BAALC: variants seen among roughly 807,000 people sequenced by gnomAD.
BAALC encodes the protein brain and acute leukemia cytoplasmic protein.
A neutral mutation model predicts 15.5 loss-of-function variants in BAALC; 9 were observed. The observed-to-expected ratio is 0.58, with a 90% CI of 0.35 to 1.02. The LOEUF is 1.02. Among genes scored for constraint, BAALC ranks in the 50% least tolerant of loss-of-function variants. The pLI, the probability that BAALC is intolerant of heterozygous loss-of-function variation, is 0.02. For synonymous variants in BAALC, 80 were observed against 74.6 expected, an observed-to-expected ratio of 1.07 and a Z score of -0.37; for missense variants, 201 against 192.4, an observed-to-expected ratio of 1.04 and a Z score of -0.27.
chr8:103,184,856 T>C (rs1012585656), intron 1 of BAALC, among the ~76,000 whole-genome samples: 1 of 152,234 alleles, frequency 6.6e-6, no homozygotes, highest in African/African-American at 2.4e-5. Flanking sequence ...CCATGTGGAC[T>C]AAACCGCAGA....
chr8:103,227,556 A>C (rs1041393935), intron 2 of BAALC, among the ~76,000 whole-genome samples: 1 of 152,228 alleles, frequency 6.6e-6, no homozygotes, highest in Non-Finnish European at 1.5e-5. Flanking sequence ...CTCACTTGAG[A>C]CAAATGCATA....
chr8:103,226,714 G>T (rs1586448834), intron 2 of BAALC, among the ~76,000 whole-genome samples: 1 of 152,038 alleles, frequency 6.6e-6, no homozygotes, highest in Non-Finnish European at 1.5e-5. Flanking sequence ...TTTTGTCATT[G>T]GTTTATCCTT....
intron 2 of BAALC, among the ~76,000 whole-genome samples, chr8:103,216,078 T>G (rs1306927605): frequency 6.6e-6 from 1 of 152,244 alleles, no homozygotes; most frequent in South Asian, 2.1e-4. Context: ...CTTGTGAAAA[T>G]CACCCATATT....
At position 103,214,150 on chromosome 8, in the gene BAALC, T is replaced by C. The variant is rs141224033; in HGVS notation, c.327+1065T>C. ...ATTCATGTTCAGAAAATGGCTGTGT[T>C]TGCATGATCTTCAGGAAGAGTTTTG... is the stretch of plus-strand genomic sequence containing the variant. On this transcript the variant is annotated intron_variant, in intron 2 of 2. Transcript: ENST00000309982. Among the ~76,000 whole-genome samples the C allele has an allele frequency of 4.6e-3, 706 of 152,300 alleles. 5 individuals are homozygous for C. The highest frequency in any genetic ancestry group is 0.017 in the African/African-American group (687 of 41,560).
chr8:103,152,210 T>C (rs1389412120), intron 1 of BAALC, among the ~76,000 whole-genome samples: 3 of 152,200 alleles, frequency 2.0e-5, no homozygotes, highest in African/African-American at 7.2e-5. Flanking sequence ...TCCAGGGGCC[T>C]GCATGACGAG....
At chr8:103,158,280 C>G (rs1466738690) in intron 1 of BAALC, among the ~76,000 whole-genome samples, 1 of 152,124 alleles carries the variant, frequency 6.6e-6, no homozygotes, top group African/African-American at 2.4e-5. Context: ...GGAAAACCTT[C>G]AGGAAAGCTA....
At chr8:103,227,918 G>A (rs1344201158) in intron 2 of BAALC, 71 bp from the exon 3 acceptor site, 17 of 1,056,044 alleles carry the variant, frequency 1.6e-5, no homozygotes, top group Non-Finnish European at 2.3e-5. Context: ...TAAATTGATT[G>A]AGACTTGCCT....
chr8:103,192,792 G>A (rs570548235), intron 1 of BAALC, among the ~76,000 whole-genome samples: 7 of 152,250 alleles, frequency 4.6e-5, no homozygotes, highest in African/African-American at 1.7e-4. Flanking sequence ...ATTGCCATGG[G>A]ACAGCATCCA....
intron 1 of BAALC, chr8:103,191,071 CGCCTGTAGTCTCA>C (rs1371231463): frequency 6.6e-6 from 1 of 152,382 alleles, no homozygotes; most frequent in Non-Finnish European, 1.5e-5. Flanking sequence ...TGGTGGCACA[CGCCTGTAGTCTCA>C]GCTACCTGGG....
rs149702116 is a variant in BAALC, at chr8:103,170,438, A to G, written c.160+29381A>G. On this transcript the variant is annotated intron_variant, in intron 1 of 2. Transcript: ENST00000309982. ...TATCAAGGTAAGATGAGATTATATG[A>G]TATTAAGGTGAACCTTAATCCAATG... Among the ~76,000 whole-genome samples the G allele has an allele frequency of 9.2e-3, 1,402 of 152,310 alleles. 39 individuals carry two copies. Among genetic ancestry groups the G allele is most frequent in the Admixed American group, 0.06 (919 of 15,294 alleles).
At chr8:103,159,030 A>G (rs1323182503) in intron 1 of BAALC, among the ~76,000 whole-genome samples, 1 of 152,232 alleles carries the variant, frequency 6.6e-6, no homozygotes, top group African/African-American at 2.4e-5. Context: ...GTTGTACACC[A>G]CATACAAAAT....
At chr8:103,189,702 G>A (rs959408356) in intron 1 of BAALC, among the ~76,000 whole-genome samples, 32 of 152,312 alleles carry the variant, frequency 2.1e-4, no homozygotes, top group African/African-American at 7.2e-4. Context: ...ACCTAGGTGG[G>A]CATGAGCCTG....
At chr8:103,191,836 G>C (rs1473178978) in intron 1 of BAALC, among the ~76,000 whole-genome samples, 1 of 152,154 alleles carries the variant, frequency 6.6e-6, no homozygotes, top group African/African-American at 2.4e-5. Flanking sequence ...CAAGAAAAAA[G>C]TAAGCTTAAA....
intron 2 of BAALC, among the ~76,000 whole-genome samples, chr8:103,217,504 T>C (rs1812585865): frequency 6.6e-6 from 1 of 152,220 alleles, no homozygotes; most frequent in Non-Finnish European, 1.5e-5. Context: ...GGGCCTAAGC[T>C]TTGTGCATTT....
chr8:103,192,332 G>T (rs576973262), intron 1 of BAALC, among the ~76,000 whole-genome samples: 1 of 152,182 alleles, frequency 6.6e-6, no homozygotes, highest in East Asian at 1.9e-4. Context: ...GATTACAGGC[G>T]TGAGCCACCG....
At chr8:103,171,785 CAG>C (rs1370978940) in intron 1 of BAALC, among the ~76,000 whole-genome samples, 1 of 152,160 alleles carries the variant, frequency 6.6e-6, no homozygotes, top group Non-Finnish European at 1.5e-5. Context: ...CCTCTCGTGT[CAG>C]AGTGAGGACC....
intron 2 of BAALC, among the ~76,000 whole-genome samples, chr8:103,220,429 T>C (rs1361364483): frequency 2.0e-5 from 3 of 152,186 alleles, no homozygotes; most frequent in African/African-American, 7.2e-5. Context: ...TTCCCAGGGA[T>C]TTTTCTTTTC....
At chr8:103,149,942 G>A (rs1810949076) in intron 1 of BAALC, among the ~76,000 whole-genome samples, 1 of 152,092 alleles carries the variant, frequency 6.6e-6, no homozygotes, top group Admixed American at 6.5e-5. Flanking sequence ...CTGGGATTTA[G>A]TCTCTTTATG....
chr8:103,223,327 CAAAA>C (rs1192564758), intron 2 of BAALC, among the ~76,000 whole-genome samples: 6 of 145,514 alleles, frequency 4.1e-5, no homozygotes, highest in Non-Finnish European at 9.3e-5. Flanking sequence ...AACAAACAAA[CAAAA>C]CTTATCGGCC....
Sources: allele counts gnomAD v4.1 joint callset (sites outside exome capture counted in the v4.1 genomes callset), GRCh38; gene constraint gnomAD v4.1.1; transcripts MANE v1.5; gene names NCBI Gene and HGNC (gene_info 2026-07-23, HGNC 2026-07-21).